CDH8: variants seen among roughly 807,000 people sequenced by gnomAD.
CDH8 encodes the protein cadherin-8.
A neutral mutation model predicts 68.1 loss-of-function variants in CDH8; 17 were observed. The observed-to-expected ratio is 0.25, with a 90% CI of 0.17 to 0.37. The LOEUF is 0.37. Among genes scored for constraint, CDH8 ranks in the 10% least tolerant of loss-of-function variants. The probability of loss-of-function intolerance (pLI) is 1.00; values close to 1 mark genes in which losing one functional copy is unlikely to be tolerated. For synonymous variants in CDH8, 372 were observed against 365.1 expected, an observed-to-expected ratio of 1.02 and a Z score of -0.21; for missense variants, 763 against 999.3, an observed-to-expected ratio of 0.76 and a Z score of 3.19.
intron 4 of CDH8, among the ~76,000 whole-genome samples, chr16:61,827,470 T>A (rs1962364801): frequency 1.3e-5 from 2 of 151,934 alleles, no homozygotes; most frequent in Non-Finnish European, 2.9e-5. Flanking sequence ...TCAAAAAAGA[T>A]TGGTATGTAT....
intron 3 of CDH8, among the ~76,000 whole-genome samples, chr16:61,857,575 A>G (rs1195343903): frequency 6.6e-6 from 1 of 152,210 alleles, no homozygotes; most frequent in Non-Finnish European, 1.5e-5. Context: ...TATAAGGTTA[A>G]TAATATAATA....
chr16:61,667,199 A>G (rs570045909), intron 10 of CDH8: 1 of 152,080 alleles, frequency 6.6e-6, no homozygotes, highest in Admixed American at 6.6e-5. Context: ...CCTGATGTCA[A>G]TAATCTCCAT....
chr16:61,801,305 A>G (rs1567476668), intron 7 of CDH8, among the ~76,000 whole-genome samples: 1 of 152,234 alleles, frequency 6.6e-6, no homozygotes, highest in South Asian at 2.1e-4. Flanking sequence ...TTAACTTGCC[A>G]CTATGAGGTT....
chr16:61,669,912 C>A (rs910119421), intron 10 of CDH8, among the ~76,000 whole-genome samples: 2 of 152,016 alleles, frequency 1.3e-5, no homozygotes, highest in African/African-American at 2.4e-5. Context: ...AACTGTTAAC[C>A]TGATTTGCAT....
chr16:62,004,558 T>G (rs8058427), intron 2 of CDH8, among the ~76,000 whole-genome samples: 1,686 of 152,296 alleles, frequency 0.011, 32 homozygotes, highest in African/African-American at 0.038. Context: ...AGGTAGAAGC[T>G]GTGTTGAAAA....
At chr16:61,994,512 G>A (rs1272750730) in intron 2 of CDH8, among the ~76,000 whole-genome samples, 1 of 152,150 alleles carries the variant, frequency 6.6e-6, no homozygotes, top group Non-Finnish European at 1.5e-5. Context: ...AGGAAAATTT[G>A]TCGAATGACT....
intron 10 of CDH8, chr16:61,667,204 C>T (rs539072149): frequency 6.6e-6 from 1 of 152,004 alleles, no homozygotes; most frequent in African/African-American, 2.4e-5. Flanking sequence ...TGTCAATAAT[C>T]TCCATTTTTT....
intron 1 of CDH8, among the ~76,000 whole-genome samples, chr16:62,025,925 A>G (rs1443574891): frequency 6.6e-6 from 1 of 152,076 alleles, no homozygotes; most frequent in Non-Finnish European, 1.5e-5. Context: ...TGTAGAGATA[A>G]CCAAATTAAA....
At chr16:61,914,269 T>G (rs1964203358) in intron 2 of CDH8, among the ~76,000 whole-genome samples, 1 of 152,218 alleles carries the variant, frequency 6.6e-6, no homozygotes, top group African/African-American at 2.4e-5. Context: ...ATTTTGGTAA[T>G]GCAGCCCAAG....
intron 4 of CDH8, among the ~76,000 whole-genome samples, chr16:61,828,088 T>C (rs986703809): frequency 4.0e-5 from 6 of 151,772 alleles, no homozygotes; most frequent in Admixed American, 3.3e-4. Flanking sequence ...CATAAAGACC[T>C]TGCTGATAAA....
rs537081898 is a variant in CDH8 at position 61,670,473 on chromosome 16, A to T, written c.1655-14752T>A. Among the ~76,000 whole-genome samples, 449 of 152,140 alleles carry T rather than the reference A, an allele frequency of 3.0e-3. 1 individual carries two copies. The highest frequency in any genetic ancestry group is 0.011 in the African/African-American group (437 of 41,540). ...AGTGTATCTAACCCTACACAAATGG[A>T]ATGCAATGAGAGAAACATATATCAC... On this transcript the variant is annotated intron_variant, in intron 10 of 11. Coordinates refer to ENST00000577390, the MANE Select transcript of CDH8 (RefSeq NM_001796.5).
chr16:61,863,684 G>A (rs1963197574), intron 3 of CDH8, among the ~76,000 whole-genome samples: 1 of 152,154 alleles, frequency 6.6e-6, no homozygotes, highest in Non-Finnish European at 1.5e-5. Context: ...TAGAGAATCA[G>A]CATTCCAATA....
Position 61,652,289 on chromosome 16 carries a change from A to G in CDH8, c.*1319T>C, listed in dbSNP as rs1174113213. Reference sequence around the variant, plus strand: ...AGGGATAGGAGTGCTAAAAACGTAAACAGTGAAATTATGTACAAATCAGTT... The same window carrying G: ...AGGGATAGGAGTGCTAAAAACGTAAGCAGTGAAATTATGTACAAATCAGTT... On this transcript the variant is annotated 3_prime_UTR_variant, in exon 12 of 12. Coordinates refer to ENST00000577390, the MANE Select transcript of CDH8 (RefSeq NM_001796.5). The G allele has an allele frequency of 2.0e-6, 2 of 985,172 alleles. No homozygotes were observed. The highest frequency in any genetic ancestry group is 2.4e-6 in the Non-Finnish European group (2 of 829,840). The allele number at this position is 985,172 out of a possible 1,614,324, so 61.0% of individuals were successfully genotyped here. A position where few individuals can be genotyped will look rare whatever the true frequency, so the allele number is the denominator to read the frequency against.
At chr16:61,740,141 C>T (rs1016948203) in intron 8 of CDH8, among the ~76,000 whole-genome samples, 9 of 151,600 alleles carry the variant, frequency 5.9e-5, no homozygotes, top group South Asian at 4.2e-4. Flanking sequence ...CTCCTGACCT[C>T]GTGGTCTGCC....
At chr16:61,856,132 T>G (rs1008329629) in intron 4 of CDH8, among the ~76,000 whole-genome samples, 1 of 152,128 alleles carries the variant, frequency 6.6e-6, no homozygotes, top group African/African-American at 2.4e-5. Context: ...ATAACTGAAT[T>G]AATGGTAAGT....
intron 2 of CDH8, among the ~76,000 whole-genome samples, chr16:62,001,028 G>A (rs1483850228): frequency 6.6e-6 from 1 of 152,094 alleles, no homozygotes; most frequent in African/African-American, 2.4e-5. Context: ...GACTTTCCAA[G>A]GTCAAATAAT....
At chr16:62,030,394 G>A (rs910019266) in intron 1 of CDH8, among the ~76,000 whole-genome samples, 14 of 151,012 alleles carry the variant, frequency 9.3e-5, no homozygotes, top group Admixed American at 1.3e-4. Context: ...TCATTTTTCT[G>A]AGCATCCCCA....
At chr16:61,998,278 G>A (rs182797386) in intron 2 of CDH8, among the ~76,000 whole-genome samples, 45 of 152,256 alleles carry the variant, frequency 3.0e-4, no homozygotes, top group African/African-American at 1.0e-3. Context: ...GAAATTTTCT[G>A]TAAATTTGAA....
At chr16:61,699,804 G>A (rs2142846341) in intron 10 of CDH8, among the ~76,000 whole-genome samples, 1 of 152,228 alleles carries the variant, frequency 6.6e-6, no homozygotes, top group Non-Finnish European at 1.5e-5. Flanking sequence ...TTGAACTCCT[G>A]ACCATAGGTG....
Sources: allele counts gnomAD v4.1 joint callset (sites outside exome capture counted in the v4.1 genomes callset), GRCh38; gene constraint gnomAD v4.1.1; transcripts MANE v1.5; gene names NCBI Gene and HGNC (gene_info 2026-07-23, HGNC 2026-07-21).